The following PCDHGA3 variants were observed in gnomAD, a reference collection of about 807,000 sequenced individuals.
PCDHGA3 encodes protocadherin gamma subfamily A, 3.
PCDHGA3 carries 40 observed loss-of-function variants against 58.5 expected under a neutral mutation model. The ratio of observed to expected loss-of-function variants is 0.68; its 90% CI spans 0.53 to 0.89. PCDHGA3 has a LOEUF of 0.89. Ranked by LOEUF, PCDHGA3 falls within the 40% of genes least tolerant of loss-of-function variation. The pLI, the probability that PCDHGA3 is intolerant of heterozygous loss-of-function variation, is 0.00. For missense variants in PCDHGA3, 1,223 were observed against 1,195.9 expected, an observed-to-expected ratio of 1.02 and a Z score of -0.33; for synonymous variants, 530 against 525.7, an observed-to-expected ratio of 1.01 and a Z score of -0.11.
intron 1 of PCDHGA3, chr5:141,403,283 G>A: frequency 6.2e-7 from 1 of 1,613,914 alleles, no homozygotes; most frequent in South Asian, 1.1e-5. Context: ...AGTCCTGGTT[G>A]AAGACAGAGT....
chr5:141,432,685 C>T lies in PCDHGA3; in HGVS notation c.2425-62122C>T, dbSNP rs1561863583. 1 of 1,613,932 alleles carries T rather than the reference C, an allele frequency of 6.2e-7. No individual in the cohort carries two copies. The highest frequency in any genetic ancestry group is 1.7e-5 in the Admixed American group (1 of 60,020). ...ACAGAGACGCGCTCAAGCAGAGCCT[C>T]GTAGTGGCCGTCCAGGACCACGGCC... On this transcript the variant is annotated intron_variant, in intron 1 of 3. Coordinates refer to ENST00000253812, the MANE Select transcript of PCDHGA3 (RefSeq NM_018916.4). This position sits in a 1 kb window ranked among gnomAD's most constrained non-coding sequence, Gnocchi z 6.0.
intron 1 of PCDHGA3, chr5:141,383,337 A>G (rs1185721914): frequency 6.2e-7 from 1 of 1,614,066 alleles, no homozygotes; most frequent in East Asian, 2.2e-5. Flanking sequence ...TGGAGAATAC[A>G]GCTCCTGGGG....
At chr5:141,437,042 A>G (rs1355358776) in intron 1 of PCDHGA3, among the ~76,000 whole-genome samples, 1 of 152,264 alleles carries the variant, frequency 6.6e-6, no homozygotes, top group Non-Finnish European at 1.5e-5. Context: ...CACCGAAACC[A>G]GAAGGCTGGT....
chr5:141,447,299 C>A (rs543731556), intron 1 of PCDHGA3, among the ~76,000 whole-genome samples: 38 of 152,102 alleles, frequency 2.5e-4, no homozygotes, highest in Middle Eastern at 6.8e-3. Context: ...GCCACCACAC[C>A]CGGCTAATTT....
intron 1 of PCDHGA3, chr5:141,372,294 G>C (rs536487253): frequency 6.2e-7 from 1 of 1,613,280 alleles, no homozygotes; most frequent in Non-Finnish European, 8.5e-7. Flanking sequence ...TACCTTGGGC[G>C]ACAGGGAGGC....
At chr5:141,403,773 A>G (rs1286965459) in intron 1 of PCDHGA3, 5 of 1,613,956 alleles carry the variant, frequency 3.1e-6, no homozygotes, top group Non-Finnish European at 4.2e-6. Flanking sequence ...GAGGGAATCA[A>G]CGGAAAAGTG....
rs1285420674 is a variant in PCDHGA3 at position 141,409,726 on chromosome 5, C to G, written c.2424+63269C>G. The G allele has an allele frequency of 1.9e-6, 3 of 1,612,982 alleles. No homozygotes were observed. The Admixed American group carries it at 5.0e-5, about 27-fold the overall frequency. On this transcript the variant is annotated intron_variant, in intron 1 of 3. Transcript: ENST00000253812. ...CGGTGTCGTCATACGTGTCAGTGAG[C>G]GCGCAGAGCGGGGTGGTGTTCGCGC...
chr5:141,427,138 A>G (rs1397576025), intron 1 of PCDHGA3: 1 of 456,954 alleles, frequency 2.2e-6, no homozygotes, highest in Non-Finnish European at 4.4e-6. Context: ...CTACGAGATG[A>G]TATTGGAAAT....
At chr5:141,414,241 C>T in intron 1 of PCDHGA3, 1 of 1,613,472 alleles carries the variant, frequency 6.2e-7, no homozygotes, top group Non-Finnish European at 8.5e-7. Context: ...CATCACGTCT[C>T]TATTTAGTCC....
At chr5:141,456,936 C>G (rs1012944904) in intron 1 of PCDHGA3, among the ~76,000 whole-genome samples, 20 of 152,190 alleles carry the variant, frequency 1.3e-4, no homozygotes, top group African/African-American at 4.3e-4. Context: ...GCACTCCAGC[C>G]TGGGCAACAG....
At chr5:141,459,694 T>A (rs767389870) in intron 1 of PCDHGA3, among the ~76,000 whole-genome samples, 1 of 152,252 alleles carries the variant, frequency 6.6e-6, no homozygotes, top group Non-Finnish European at 1.5e-5. Context: ...AGCGTTCCGC[T>A]TGCTACATTT....
At chr5:141,479,671 G>A (rs1484965995) in intron 1 of PCDHGA3, 1 of 152,196 alleles carries the variant, frequency 6.6e-6, no homozygotes, top group Non-Finnish European at 1.5e-5. Flanking sequence ...AACTACAAAA[G>A]GAGAGTCTTT....
chr5:141,481,362 A>G (rs2099536613), intron 1 of PCDHGA3, among the ~76,000 whole-genome samples: 1 of 152,252 alleles, frequency 6.6e-6, no homozygotes, highest in African/African-American at 2.4e-5. Context: ...CAGCTGTTCA[A>G]TAGATATTGG....
chr5:141,353,584 A>G (rs1349992377), intron 1 of PCDHGA3, among the ~76,000 whole-genome samples: 1 of 152,198 alleles, frequency 6.6e-6, no homozygotes, highest in Non-Finnish European at 1.5e-5. Flanking sequence ...AGTCAATGAT[A>G]TTTCATAATT....
chr5:141,370,541 C>A (rs760146561), intron 1 of PCDHGA3: 2 of 1,613,924 alleles, frequency 1.2e-6, no homozygotes, highest in African/African-American at 1.3e-5. Flanking sequence ...TGGTAGGGAA[C>A]CTCGCCAAGG....
intron 1 of PCDHGA3, chr5:141,362,645 G>GTAGGA: frequency 1.4e-6 from 2 of 1,454,486 alleles, no homozygotes; most frequent in Non-Finnish European, 1.8e-6. Flanking sequence ...CTTTGTCTGT[G>GTAGGA]AGTTAGATTT....
chr5:141,362,141 A>G (rs765866460), intron 1 of PCDHGA3: 2 of 1,614,032 alleles, frequency 1.2e-6, no homozygotes, highest in South Asian at 2.2e-5. Flanking sequence ...GATAGCCTGC[A>G]AGAGGTATTG....
intron 1 of PCDHGA3, chr5:141,351,882 A>G (rs1309999370): frequency 6.2e-7 from 1 of 1,613,236 alleles, no homozygotes; most frequent in African/African-American, 1.3e-5. Context: ...CTCAGCGCCA[A>G]CGTGAGCCTG....
intron 1 of PCDHGA3, among the ~76,000 whole-genome samples, chr5:141,353,525 T>C (rs1759307512): frequency 1.3e-5 from 2 of 152,224 alleles, no homozygotes; most frequent in Non-Finnish European, 2.9e-5. Context: ...TCCAATTTTA[T>C]ATTTGCATCA....
Sources: allele counts gnomAD v4.1 joint callset (sites outside exome capture counted in the v4.1 genomes callset), GRCh38; gene constraint gnomAD v4.1.1; non-coding constraint Gnocchi (gnomAD v3.1); transcripts MANE v1.5; gene names NCBI Gene and HGNC (gene_info 2026-07-23, HGNC 2026-07-21).